TBC1D4: variants seen among roughly 807,000 people sequenced by gnomAD.
The protein encoded by TBC1D4 is TBC (Tre-2, BUB2, CDC16) domain-containing protein.
A neutral mutation model predicts 142.5 loss-of-function variants in TBC1D4; 121 were observed. The ratio of observed to expected loss-of-function variants is 0.85; its 90% CI spans 0.73 to 0.99. TBC1D4 has a LOEUF of 0.99. TBC1D4 is among the 50% of genes least tolerant of loss of function. The pLI is 0.00. For missense variants in TBC1D4, 1,475 were observed against 1,606.6 expected (o/e 0.92, Z 1.40); for synonymous variants, 630 against 628.2 (o/e 1.00, Z -0.04).
chr13:75,400,633 A>ATTT (rs71201178), intron 1 of TBC1D4, among the ~76,000 whole-genome samples: 75,517 of 141,178 alleles, frequency 0.53, 23,906 homozygotes, highest in East Asian at 0.93. Context: ...AATTTTTTGT[A>ATTT]TTTTTTTTTT....
chr13:75,303,323 A>G (rs554203167), intron 15 of TBC1D4, among the ~76,000 whole-genome samples: 8 of 152,204 alleles, frequency 5.3e-5, no homozygotes, highest in Non-Finnish European at 7.3e-5. Context: ...TCTAAAAAAA[A>G]AAGAAATAAT....
chr13:75,419,611 C>A (rs186930296), intron 1 of TBC1D4, among the ~76,000 whole-genome samples: 1 of 152,268 alleles, frequency 6.6e-6, no homozygotes, highest in South Asian at 2.1e-4. Flanking sequence ...ATGAGAACCA[C>A]ACAGTAGTGT....
intron 1 of TBC1D4, among the ~76,000 whole-genome samples, chr13:75,374,964 C>T (rs1201934924): frequency 6.6e-6 from 1 of 152,164 alleles, no homozygotes; most frequent in East Asian, 1.9e-4. Flanking sequence ...CCACCTGCCT[C>T]CAAAGTAGCC....
At chr13:75,312,596 T>C in intron 13 of TBC1D4, 142 bp downstream of exon 13, 3 of 1,128,488 alleles carry the variant, frequency 2.7e-6, no homozygotes, top group African/African-American at 3.1e-5. Context: ...TAATGATACC[T>C]GAAAGAGAAA....
intron 8 of TBC1D4, among the ~76,000 whole-genome samples, chr13:75,331,863 C>T (rs1259558668): frequency 7.9e-6 from 1 of 127,134 alleles, no homozygotes; most frequent in Non-Finnish European, 1.8e-5. Context: ...AAAAAAAAGA[C>T]AAGTTTTAGA....
rs546836201 is a variant in TBC1D4, at chr13:75,345,382, A to G, written c.1408+3788T>C. Among the ~76,000 whole-genome samples the G allele has an allele frequency of 3.3e-5, 5 of 152,244 alleles. No homozygotes were observed. The East Asian group carries it at 9.6e-4, about 29-fold the overall frequency. ...CTTACTGCTATCTTTACTCAACATA[A>G]AAAGGAGGAAGGAAAAAATCCTATC... is the stretch of plus-strand genomic sequence containing the variant. On this transcript the variant is annotated intron_variant, in intron 5 of 20. Coordinates refer to ENST00000377636, the MANE Select transcript of TBC1D4 (RefSeq NM_014832.5).
At chr13:75,373,140 GA>G (rs1566438235) in intron 1 of TBC1D4, among the ~76,000 whole-genome samples, 1 of 152,182 alleles carries the variant, frequency 6.6e-6, no homozygotes, top group Non-Finnish European at 1.5e-5. Context: ...ATCTGGACAT[GA>G]CAAACTCTAG....
intron 1 of TBC1D4, among the ~76,000 whole-genome samples, chr13:75,376,837 T>C (rs1229777755): frequency 6.6e-6 from 1 of 152,214 alleles, no homozygotes; most frequent in Non-Finnish European, 1.5e-5. Flanking sequence ...AATCAATAAC[T>C]ATAATATAAA....
intron 1 of TBC1D4, among the ~76,000 whole-genome samples, chr13:75,424,302 AAAAAAAG>A (rs1886288231): frequency 3.2e-3 from 4 of 1,236 alleles, no homozygotes; most frequent in South Asian, 0.17. Context: ...GAAAGAAAAG[AAAAAAAG>A]AAAAAATTGT....
At chr13:75,419,611 C>T (rs186930296) in intron 1 of TBC1D4, among the ~76,000 whole-genome samples, 86 of 152,268 alleles carry the variant, frequency 5.6e-4, no homozygotes, top group Non-Finnish European at 1.1e-3. Flanking sequence ...ATGAGAACCA[C>T]ACAGTAGTGT....
At chr13:75,395,263 A>G (rs966926545) in intron 1 of TBC1D4, among the ~76,000 whole-genome samples, 2 of 152,076 alleles carry the variant, frequency 1.3e-5, no homozygotes, top group African/African-American at 4.8e-5. Flanking sequence ...CTCCTTAGCA[A>G]CTCCTCACCA....
chr13:75,336,890 C>G, intron 8 of TBC1D4, 31 bp downstream of exon 8: 1 of 1,613,044 alleles, frequency 6.2e-7, no homozygotes. Context: ...CACAGATATG[C>G]ATACTTGAAA....
intron 8 of TBC1D4, among the ~76,000 whole-genome samples, chr13:75,329,896 G>A (rs1388858709): frequency 6.6e-6 from 1 of 152,114 alleles, no homozygotes; most frequent in Admixed American, 6.5e-5. Context: ...TGTCTGACCT[G>A]CTGTTTCTCT....
At chr13:75,338,678 C>T (rs923546813) in intron 7 of TBC1D4, among the ~76,000 whole-genome samples, 1 of 152,162 alleles carries the variant, frequency 6.6e-6, no homozygotes, top group Non-Finnish European at 1.5e-5. Context: ...TCAAATTCCT[C>T]TATAGGCACC....
chr13:75,334,790 C>T (rs1408856918), intron 8 of TBC1D4, among the ~76,000 whole-genome samples: 2 of 151,724 alleles, frequency 1.3e-5, no homozygotes, highest in Non-Finnish European at 2.9e-5. Context: ...TTTACCATGT[C>T]GGCCAGGCAG....
At chr13:75,425,959 A>T (rs1886356320) in intron 1 of TBC1D4, among the ~76,000 whole-genome samples, 1 of 152,162 alleles carries the variant, frequency 6.6e-6, no homozygotes, top group Non-Finnish European at 1.5e-5. Context: ...AGTAGATTTT[A>T]AAGGTTCTCA....
intron 3 of TBC1D4, among the ~76,000 whole-genome samples, chr13:75,356,983 T>C (rs542253991): frequency 1.6e-4 from 25 of 152,278 alleles, no homozygotes; most frequent in Non-Finnish European, 3.1e-4. Context: ...TTTAAAGTTG[T>C]CCCCAAATCA....
intron 7 of TBC1D4, among the ~76,000 whole-genome samples, chr13:75,337,630 G>C (rs898346134): frequency 2.0e-5 from 3 of 152,108 alleles, no homozygotes; most frequent in Admixed American, 1.3e-4. Context: ...TATATCACAT[G>C]GTCCTTAGTA....
At chr13:75,394,934 A>G (rs1884707459) in intron 1 of TBC1D4, among the ~76,000 whole-genome samples, 1 of 152,246 alleles carries the variant, frequency 6.6e-6, no homozygotes, top group Admixed American at 6.5e-5. Flanking sequence ...GACAGAGCAT[A>G]CAGGTGAGGT....
Sources: allele counts gnomAD v4.1 joint callset (sites outside exome capture counted in the v4.1 genomes callset), GRCh38; gene constraint gnomAD v4.1.1; transcripts MANE v1.5; gene names NCBI Gene and HGNC (gene_info 2026-07-23, HGNC 2026-07-21).